Variants in SCFD2 observed in about 807,000 individuals in gnomAD.
SCFD2 encodes sec1 family domain containing 2, also known as sec1 family domain-containing protein 2.
In SCFD2, 54 loss-of-function variants were observed where a neutral mutation model predicts 58.9. The ratio of observed to expected loss-of-function variants is 0.92; its 90% CI spans 0.74 to 1.15. SCFD2 has a LOEUF of 1.15. SCFD2 is among the 50% of genes most tolerant of loss of function. The probability of loss-of-function intolerance (pLI) is 0.00; values close to 1 mark genes in which losing one functional copy is unlikely to be tolerated. For synonymous variants in SCFD2, 321 were observed against 335.9 expected (o/e 0.96, Z 0.49); for missense variants, 805 against 836.6 (o/e 0.96, Z 0.47).
At chr4:53,090,062 T>C (rs1410750950) in intron 5 of SCFD2, among the ~76,000 whole-genome samples, 1 of 152,198 alleles carries the variant, frequency 6.6e-6, no homozygotes, top group East Asian at 1.9e-4. Context: ...CACTGCATAG[T>C]TTTGCAATGG....
chr4:53,020,880 G>C (rs1262296903), intron 5 of SCFD2, among the ~76,000 whole-genome samples: 1 of 152,158 alleles, frequency 6.6e-6, no homozygotes, highest in Non-Finnish European at 1.5e-5. Flanking sequence ...TGAAAATTTG[G>C]TGTGAAGGGT....
chr4:52,946,441 C>T (rs1025337908), intron 5 of SCFD2, among the ~76,000 whole-genome samples: 1 of 151,846 alleles, frequency 6.6e-6, no homozygotes, highest in African/African-American at 2.4e-5. Flanking sequence ...GGAATATTTG[C>T]CCTTTACTTC....
intron 6 of SCFD2, among the ~76,000 whole-genome samples, chr4:52,913,073 G>C (rs562539966): frequency 6.6e-6 from 1 of 152,272 alleles, no homozygotes; most frequent in South Asian, 2.1e-4. Flanking sequence ...AGAAAAATTT[G>C]TTCTTTCCTT....
At chr4:52,885,634 T>C in intron 8 of SCFD2, 113 bp downstream of exon 8, 1 of 1,260,798 alleles carries the variant, frequency 7.9e-7, no homozygotes, top group Non-Finnish European at 1.1e-6. Context: ...GCCAAGAGGG[T>C]GATGGGCAGG....
chr4:53,044,553 T>A (rs1257119437), intron 5 of SCFD2, among the ~76,000 whole-genome samples: 2 of 148,586 alleles, frequency 1.3e-5, no homozygotes, highest in Non-Finnish European at 3.0e-5. Flanking sequence ...TCTATATACT[T>A]TACAGGATTC....
chr4:53,213,431 G>C (rs6827392), intron 4 of SCFD2, among the ~76,000 whole-genome samples: 1 of 151,814 alleles, frequency 6.6e-6, no homozygotes, highest in Non-Finnish European at 1.5e-5. Context: ...TACAAAAAGG[G>C]GTCTGAAATT....
At position 53,024,935 on chromosome 4, in the gene SCFD2, T is replaced by A. The variant is rs182300997; in HGVS notation, c.1562-104065A>T. Reference sequence around the variant, plus strand: ...ACCCCTCTTGACTCCCCCTAGAATATTAGCTTAGGCTCTGTGAGTATCCAC... The same window carrying A: ...ACCCCTCTTGACTCCCCCTAGAATAATAGCTTAGGCTCTGTGAGTATCCAC... On this transcript the variant is annotated intron_variant, in intron 5 of 8. Transcript: ENST00000401642. Among the ~76,000 whole-genome samples the A allele has an allele frequency of 2.6e-3, 403 of 152,262 alleles. 3 individuals carry two copies. Among genetic ancestry groups the A allele is most frequent in the Non-Finnish European group, 4.5e-3 (304 of 68,012 alleles).
chr4:53,247,792 C>A (rs1456176518), intron 4 of SCFD2, among the ~76,000 whole-genome samples: 38 of 124,832 alleles, frequency 3.0e-4, no homozygotes, highest in Non-Finnish European at 9.6e-5. Flanking sequence ...ACCCGGGAAG[C>A]GGAGCTTGCA....
At chr4:53,221,768 A>G (rs2148995629) in intron 4 of SCFD2, among the ~76,000 whole-genome samples, 1 of 152,370 alleles carries the variant, frequency 6.6e-6, no homozygotes, top group East Asian at 1.9e-4. Context: ...AGGCAGAACA[A>G]GGTTAATATT....
chr4:53,146,098 C>A lies in SCFD2; in HGVS notation c.1312-516G>T, dbSNP rs144905391. On this transcript the variant is annotated intron_variant, in intron 4 of 8. Coordinates refer to ENST00000401642, the MANE Select transcript of SCFD2 (RefSeq NM_152540.4). The stretch of plus-strand genomic sequence containing the variant: ...AACAAAAAGTCACTTTCTGCTAAAT[C>A]TGATGAATAAAATACAGAATCACAC... Among the ~76,000 whole-genome samples the A allele has an allele frequency of 2.0e-3, 301 of 152,258 alleles. 1 individual carries two copies. Among genetic ancestry groups the A allele is most frequent in the Middle Eastern group, 0.014 (4 of 294 alleles).
At chr4:53,293,354 G>A (rs924609376) in intron 3 of SCFD2, among the ~76,000 whole-genome samples, 1 of 151,636 alleles carries the variant, frequency 6.6e-6, no homozygotes, top group African/African-American at 2.4e-5. Context: ...GCTAATGCAT[G>A]GTGGGCATAA....
At chr4:53,116,637 T>C (rs892805265) in intron 5 of SCFD2, among the ~76,000 whole-genome samples, 1 of 152,208 alleles carries the variant, frequency 6.6e-6, no homozygotes, top group African/African-American at 2.4e-5. Flanking sequence ...GATGGAGTCC[T>C]GATAACACTG....
chr4:53,304,621 T>C (rs1732454782), intron 3 of SCFD2, among the ~76,000 whole-genome samples: 1 of 151,896 alleles, frequency 6.6e-6, no homozygotes, highest in Non-Finnish European at 1.5e-5. Context: ...GATTCAGCTA[T>C]TGATACTTGT....
At chr4:52,919,432 C>T (rs371921042) in intron 6 of SCFD2, among the ~76,000 whole-genome samples, 45 of 152,198 alleles carry the variant, frequency 3.0e-4, no homozygotes, top group African/African-American at 9.2e-4. Flanking sequence ...ATTTTGTCGC[C>T]GTGGCATTCT....
At chr4:53,037,087 C>T (rs894181746) in intron 5 of SCFD2, among the ~76,000 whole-genome samples, 2 of 151,950 alleles carry the variant, frequency 1.3e-5, no homozygotes, top group African/African-American at 4.8e-5. Flanking sequence ...AAGTGAATAT[C>T]CCTGTATTTA....
intron 2 of SCFD2, among the ~76,000 whole-genome samples, chr4:53,346,760 G>T (rs1413799702): frequency 1.3e-5 from 2 of 152,184 alleles, no homozygotes; most frequent in African/African-American, 4.8e-5. Flanking sequence ...GTTGTAAAGT[G>T]AAGAGCAGTT....
chr4:53,075,050 A>C (rs1723932141), intron 5 of SCFD2, among the ~76,000 whole-genome samples: 1 of 152,156 alleles, frequency 6.6e-6, no homozygotes, highest in Non-Finnish European at 1.5e-5. Context: ...TACACTGAAC[A>C]TCTGTTGTTT....
intron 4 of SCFD2, among the ~76,000 whole-genome samples, chr4:53,204,872 A>G (rs553433611): frequency 1.3e-5 from 2 of 151,914 alleles, no homozygotes; most frequent in South Asian, 2.1e-4. Context: ...TCTCAAAAGC[A>G]ATGCTGGAAG....
intron 4 of SCFD2, among the ~76,000 whole-genome samples, chr4:53,271,426 C>T (rs1731162959): frequency 7.5e-6 from 1 of 133,408 alleles, no homozygotes; most frequent in African/African-American, 2.7e-5. Flanking sequence ...GCTAGATCTA[C>T]ATACATCACT....
Sources: allele counts gnomAD v4.1 joint callset (sites outside exome capture counted in the v4.1 genomes callset), GRCh38; gene constraint gnomAD v4.1.1; transcripts MANE v1.5; gene names NCBI Gene and HGNC (gene_info 2026-07-23, HGNC 2026-07-21).